Variants in PLCB4 observed in about 807,000 individuals in gnomAD.
PLCB4 encodes phospholipase C beta 4.
In PLCB4, 77 loss-of-function variants were observed where a neutral mutation model predicts 178.8. The observed-to-expected ratio is 0.43, with a 90% CI of 0.36 to 0.52. The LOEUF (loss-of-function observed/expected upper bound fraction) is 0.52, where lower values mean the gene tolerates loss of function less well. Ranked by LOEUF, PLCB4 falls within the 20% of genes least tolerant of loss-of-function variation. PLCB4 has a pLI of 0.00. For missense variants in PLCB4, 1,024 were observed against 1,453.4 expected, an observed-to-expected ratio of 0.70 and a Z score of 4.80; for synonymous variants, 496 against 490.8, an observed-to-expected ratio of 1.01 and a Z score of -0.14.
chr20:9,473,122 A>G (rs2044295498), intron 37 of PLCB4, among the ~76,000 whole-genome samples, 157 bp from the exon 38 acceptor site: 1 of 152,198 alleles, frequency 6.6e-6, no homozygotes, highest in African/African-American at 2.4e-5. Flanking sequence ...CTTCCCAGAA[A>G]TAATTATGAG....
intron 3 of PLCB4, among the ~76,000 whole-genome samples, chr20:9,239,026 A>G (rs955202521): frequency 3.4e-4 from 52 of 152,274 alleles, no homozygotes; most frequent in African/African-American, 1.3e-3. Flanking sequence ...TTAGCTATTG[A>G]CTTACTTAAT....
intron 13 of PLCB4, among the ~76,000 whole-genome samples, chr20:9,382,416 C>T (rs1365052705): frequency 6.6e-6 from 1 of 152,186 alleles, no homozygotes; most frequent in Non-Finnish European, 1.5e-5. Flanking sequence ...CCAAAGGCTT[C>T]CCAACACATT....
At chr20:9,102,741 G>T (rs564583665) in intron 2 of PLCB4, among the ~76,000 whole-genome samples, 1 of 113,144 alleles carries the variant, frequency 8.8e-6, no homozygotes, top group African/African-American at 3.1e-5. Flanking sequence ...GAGCATATTT[G>T]GGGGGGGGCT....
At chr20:9,156,564 G>A (rs561944411) in intron 2 of PLCB4, among the ~76,000 whole-genome samples, 3 of 152,170 alleles carry the variant, frequency 2.0e-5, no homozygotes, top group African/African-American at 7.2e-5. Context: ...GAGAAGTAAA[G>A]GTCTAATTTT....
intron 3 of PLCB4, among the ~76,000 whole-genome samples, chr20:9,292,667 C>T (rs752413679): frequency 2.3e-4 from 35 of 152,204 alleles, no homozygotes; most frequent in Non-Finnish European, 4.7e-4. Flanking sequence ...ACTCATTCTA[C>T]AGGCCTGGTT....
At chr20:9,175,350 C>T (rs1370967231) in intron 2 of PLCB4, among the ~76,000 whole-genome samples, 1 of 152,176 alleles carries the variant, frequency 6.6e-6, no homozygotes, top group African/African-American at 2.4e-5. Flanking sequence ...TGTTTAGCTT[C>T]CAGGGATGTC....
At chr20:9,436,434 C>T (rs538079155) in intron 29 of PLCB4, among the ~76,000 whole-genome samples, 1 of 152,324 alleles carries the variant, frequency 6.6e-6, no homozygotes, top group African/African-American at 2.4e-5. Flanking sequence ...TGACTATAAA[C>T]TTAAACTTCT....
chr20:9,469,118 T>G (rs2122611422), intron 36 of PLCB4, among the ~76,000 whole-genome samples: 1 of 152,208 alleles, frequency 6.6e-6, no homozygotes, highest in Non-Finnish European at 1.5e-5. Flanking sequence ...GTAGCTGGGA[T>G]TACAGGCATG....
intron 3 of PLCB4, among the ~76,000 whole-genome samples, chr20:9,295,753 G>A (rs1159878300): frequency 6.6e-6 from 1 of 152,062 alleles, no homozygotes; most frequent in Non-Finnish European, 1.5e-5. Context: ...TTATTTCTGA[G>A]GGCTCTGTTC....
At chr20:9,111,055 G>A (rs1005920270) in intron 2 of PLCB4, among the ~76,000 whole-genome samples, 2 of 152,114 alleles carry the variant, frequency 1.3e-5, no homozygotes, top group African/African-American at 4.8e-5. Context: ...GGTCACTGGG[G>A]ACATTGGGAA....
At chr20:9,423,176 A>G (rs575303312) in intron 27 of PLCB4, among the ~76,000 whole-genome samples, 12 of 152,334 alleles carry the variant, frequency 7.9e-5, no homozygotes, top group African/African-American at 2.6e-4. Flanking sequence ...ACATCCCAAC[A>G]TTTGCTGGAA....
At chr20:9,408,994 C>T (rs2039667004) in intron 23 of PLCB4, 63 bp from the exon 24 acceptor site, 2 of 1,499,462 alleles carry the variant, frequency 1.3e-6, no homozygotes, top group South Asian at 1.2e-5. Flanking sequence ...TGTTTTAGCT[C>T]TTTGTTGTTT....
chr20:9,434,986 A>T (rs924504276), intron 28 of PLCB4, among the ~76,000 whole-genome samples: 71 of 152,330 alleles, frequency 4.7e-4, no homozygotes, highest in African/African-American at 1.7e-3. Context: ...ATTAAATTCT[A>T]CTATCTTTTA....
At chr20:9,395,728 C>A in intron 19 of PLCB4, 110 bp downstream of exon 19, 1 of 710,384 alleles carries the variant, frequency 1.4e-6, no homozygotes, top group Non-Finnish European at 2.3e-6. Context: ...CTTGGGGAGG[C>A]CAAGGTGGGA....
intron 2 of PLCB4, among the ~76,000 whole-genome samples, chr20:9,098,056 A>G (rs879635948): frequency 1.3e-5 from 2 of 152,236 alleles, no homozygotes; most frequent in Admixed American, 6.5e-5. Flanking sequence ...TTGGAGTTCA[A>G]AAACCTGCTG....
chr20:9,184,703 G>A (rs2093303778), intron 2 of PLCB4, among the ~76,000 whole-genome samples: 1 of 150,614 alleles, frequency 6.6e-6, no homozygotes, highest in African/African-American at 2.4e-5. Context: ...TCGCCACTAT[G>A]AACCGATTTA....
intron 3 of PLCB4, among the ~76,000 whole-genome samples, chr20:9,256,942 C>T (rs902184941): frequency 3.3e-5 from 5 of 152,116 alleles, no homozygotes; most frequent in African/African-American, 4.8e-5. Context: ...TGGAAGGCAA[C>T]TTGCACATTG....
In PLCB4 at chr20:9,212,720, A is replaced by AG. The variant is rs141848478; in HGVS notation, c.-78-4669dup. On this transcript the variant is annotated intron_variant, in intron 2 of 39. Coordinates refer to ENST00000378473, the MANE Select transcript of PLCB4 (RefSeq NM_001377142.1). ...AGGAATCCCCTGAAGAATCACAATA[A>AG]GACTTTTTAATATATATAAATTTTA... 5.3e-3 allele frequency among the ~76,000 whole-genome samples: 803 copies of AG among 152,334 alleles called. 10 individuals carry two copies. Among genetic ancestry groups the AG allele is most frequent in the African/African-American group, 0.019 (770 of 41,576 alleles).
intron 2 of PLCB4, among the ~76,000 whole-genome samples, chr20:9,112,536 G>A (rs991029934): frequency 2.0e-5 from 3 of 152,072 alleles, no homozygotes; most frequent in Non-Finnish European, 4.4e-5. Context: ...TTACAGGTAT[G>A]AGCCACTGTG....
Sources: gnomAD v4.1 joint callset for allele counts (sites outside exome capture counted in the v4.1 genomes callset) on GRCh38, gnomAD v4.1.1 for gene constraint, MANE v1.5 for transcripts, NCBI Gene and HGNC (gene_info 2026-07-23, HGNC 2026-07-21) for gene names.